The following TAF4 variants were observed in gnomAD, a reference collection of about 807,000 sequenced individuals.
TAF4 encodes the protein transcription initiation factor TFIID subunit 4.
In TAF4, 9 loss-of-function variants were observed where a neutral mutation model predicts 90.3. The ratio of observed to expected loss-of-function variants is 0.10; its 90% CI spans 0.06 to 0.17. The LOEUF is 0.17. TAF4 is among the 10% of genes least tolerant of loss of function. The pLI is 1.00. For synonymous variants in TAF4, 818 were observed against 638.9 expected, an observed-to-expected ratio of 1.28 and a Z score of -4.23; for missense variants, 1,351 against 1,370.7, an observed-to-expected ratio of 0.99 and a Z score of 0.23.
At chr20:62,018,620 G>A (rs2055825792) in intron 1 of TAF4, among the ~76,000 whole-genome samples, 1 of 152,202 alleles carries the variant, frequency 6.6e-6, no homozygotes, top group African/African-American at 2.4e-5. Flanking sequence ...CTGTCTGAGA[G>A]CTCCCCAGAG....
At chr20:62,060,605 C>T (rs2056084219) in intron 1 of TAF4, among the ~76,000 whole-genome samples, 1 of 152,264 alleles carries the variant, frequency 6.6e-6, no homozygotes, top group African/African-American at 2.4e-5. Flanking sequence ...CTAGGCAGAG[C>T]TGTCCAGGGC....
At chr20:62,007,941 T>C (rs1169467819) in intron 5 of TAF4, 2 of 235,332 alleles carry the variant, frequency 8.5e-6, no homozygotes, top group Admixed American at 5.5e-5. Flanking sequence ...ACCAGGCACC[T>C]ACTCGGTGTC....
intron 1 of TAF4, among the ~76,000 whole-genome samples, chr20:62,023,771 G>A (rs6089612): frequency 0.61 from 57,591 of 95,190 alleles, 20,742 homozygotes; most frequent in Non-Finnish European, 0.79. Context: ...AAAAAAAAAA[G>A]AAAGAAAGAA....
At chr20:61,996,316 G>A (rs905822849) in intron 14 of TAF4, among the ~76,000 whole-genome samples, 2 of 151,602 alleles carry the variant, frequency 1.3e-5, no homozygotes, top group African/African-American at 2.4e-5. Flanking sequence ...CGGGGATGTC[G>A]AGGCTACAGT....
chr20:62,055,116 G>A (rs1271417625), intron 1 of TAF4, among the ~76,000 whole-genome samples: 1 of 152,204 alleles, frequency 6.6e-6, no homozygotes, highest in East Asian at 1.9e-4. Context: ...TCCAGCCACT[G>A]AGGCACTTGG....
intron 11 of TAF4, among the ~76,000 whole-genome samples, chr20:61,999,821 C>A (rs1488325265): frequency 6.6e-6 from 1 of 152,124 alleles, no homozygotes; most frequent in African/African-American, 2.4e-5. Flanking sequence ...CGGTGGTGTG[C>A]GCCTGTAATC....
intron 3 of TAF4, among the ~76,000 whole-genome samples, chr20:62,011,057 G>T (rs2055775177): frequency 6.6e-6 from 1 of 152,186 alleles, no homozygotes; most frequent in Non-Finnish European, 1.5e-5. Context: ...CTCTCCCGGT[G>T]GGTGCAGCCC....
At chr20:62,025,213 G>A (rs951108904) in intron 1 of TAF4, among the ~76,000 whole-genome samples, 1 of 152,150 alleles carries the variant, frequency 6.6e-6, no homozygotes, top group Non-Finnish European at 1.5e-5. Flanking sequence ...GCCTTACAAA[G>A]GCTTGTACCT....
chr20:62,065,878 G>A lies in TAF4; in HGVS notation c.-68C>T, dbSNP rs999030132. 3.7e-6 allele frequency: 4 copies of A among 1,073,546 alleles called. No homozygotes were observed. The highest frequency in any genetic ancestry group is 3.5e-5 in the African/African-American group (2 of 57,874). 66.5% of individuals were successfully genotyped at this position (1,073,546 alleles called of 1,614,324 possible). A position where few individuals can be genotyped will look rare whatever the true frequency, so the allele number is the denominator to read the frequency against. ...CGCGCCTGGGCGAGGAGGAGGTTCC[G>A]ACTGGGGCGGGCGCTGGGCGGGCGG... On this transcript the variant is annotated 5_prime_UTR_variant, in exon 1 of 15. Coordinates refer to ENST00000252996, the MANE Select transcript of TAF4 (RefSeq NM_003185.4).
chr20:61,996,792 T>C (rs1291429754), intron 14 of TAF4, among the ~76,000 whole-genome samples: 4 of 138,202 alleles, frequency 2.9e-5, no homozygotes, highest in Non-Finnish European at 4.6e-5. Context: ...AGCAAGACTG[T>C]CTCAAAAAAA....
intron 5 of TAF4, chr20:62,007,930 T>C: frequency 3.8e-6 from 1 of 262,450 alleles, no homozygotes; most frequent in Admixed American, 5.3e-5. Context: ...ACTCAGTGCT[T>C]ACCAGGCACC....
At chr20:62,051,012 G>T (rs752489421) in intron 1 of TAF4, among the ~76,000 whole-genome samples, 4 of 152,186 alleles carry the variant, frequency 2.6e-5, no homozygotes, top group African/African-American at 9.7e-5. Context: ...CCCTCACAGG[G>T]GAAGCATCTG....
chr20:61,995,049 T>C (rs1453356336), intron 14 of TAF4, among the ~76,000 whole-genome samples: 3 of 152,176 alleles, frequency 2.0e-5, no homozygotes, highest in Non-Finnish European at 4.4e-5. Context: ...AGATCCTTAC[T>C]GACAAAATGA....
At chr20:62,062,592 T>A (rs1311432492) in intron 1 of TAF4, among the ~76,000 whole-genome samples, 10 of 152,176 alleles carry the variant, frequency 6.6e-5, no homozygotes. Context: ...TCCTCTGTCC[T>A]CACACACAGG....
chr20:62,009,961 C>T, intron 4 of TAF4, 85 bp downstream of exon 4: 1 of 1,587,750 alleles, frequency 6.3e-7, no homozygotes, highest in East Asian at 2.2e-5. Context: ...GGGACAGAAG[C>T]CGGCCTGAGG....
At chr20:62,059,332 G>T (rs938573688) in intron 1 of TAF4, among the ~76,000 whole-genome samples, 1 of 152,138 alleles carries the variant, frequency 6.6e-6, no homozygotes, top group Non-Finnish European at 1.5e-5. Flanking sequence ...GTACATCTTT[G>T]GTGCAAATGT....
intron 14 of TAF4, among the ~76,000 whole-genome samples, chr20:61,978,062 C>T (rs569905140): frequency 8.5e-5 from 11 of 129,734 alleles, no homozygotes; most frequent in East Asian, 2.5e-4. Context: ...AGGGAGGGCG[C>T]GACACCAACC....
At chr20:62,021,071 G>C (rs750923010) in intron 1 of TAF4, among the ~76,000 whole-genome samples, 7 of 152,254 alleles carry the variant, frequency 4.6e-5, no homozygotes, top group South Asian at 2.1e-4. Flanking sequence ...CAGCAGCCCT[G>C]AGAGCTCCAC....
intron 1 of TAF4, among the ~76,000 whole-genome samples, chr20:62,051,589 T>C (rs1435928350): frequency 6.6e-6 from 1 of 151,600 alleles, no homozygotes; most frequent in Non-Finnish European, 1.5e-5. Context: ...GTCCCAGACC[T>C]GTTTTCCCAC....
Sources: allele counts gnomAD v4.1 joint callset (sites outside exome capture counted in the v4.1 genomes callset), GRCh38; gene constraint gnomAD v4.1.1; transcripts MANE v1.5; gene names NCBI Gene and HGNC (gene_info 2026-07-23, HGNC 2026-07-21).